Variants in SASH1 observed in about 807,000 individuals in gnomAD.
SASH1 encodes the protein SAM and SH3 domain-containing protein 1.
A neutral mutation model predicts 125.2 loss-of-function variants in SASH1; 44 were observed. That is an observed-to-expected ratio of 0.35 (90% CI 0.28 to 0.45). SASH1 has a LOEUF of 0.45. SASH1 is among the 20% of genes least tolerant of loss of function. SASH1 has a pLI of 1.00. For missense variants in SASH1, 1,426 were observed against 1,614.5 expected, an observed-to-expected ratio of 0.88 and a Z score of 2.00; for synonymous variants, 639 against 649.1, an observed-to-expected ratio of 0.98 and a Z score of 0.24.
At chr6:148,531,490 T>C (rs771839934) in intron 12 of SASH1, 36 bp from the exon 13 acceptor site, 1 of 1,449,952 alleles carries the variant, frequency 6.9e-7, no homozygotes, top group Non-Finnish European at 9.1e-7. Context: ...CTGTCCACTC[T>C]GATGAACTTC....
chr6:148,448,455 G>A (rs1274188876), intron 4 of SASH1, among the ~76,000 whole-genome samples: 1 of 152,030 alleles, frequency 6.6e-6, no homozygotes, highest in Admixed American at 6.6e-5. Context: ...CTAACCAGAG[G>A]CCTCTCCCCA....
chr6:148,524,775 C>G (rs1264516811), intron 10 of SASH1: 3 of 152,970 alleles, frequency 2.0e-5, no homozygotes, highest in Non-Finnish European at 4.4e-5. Flanking sequence ...ACCTTCTCCC[C>G]CCCTCTTCTC....
chr6:148,390,592 C>T (rs1783663403), intron 2 of SASH1, among the ~76,000 whole-genome samples: 3 of 152,128 alleles, frequency 2.0e-5, no homozygotes, highest in Non-Finnish European at 4.4e-5. Context: ...CAAGACCATC[C>T]TCGCTAACAC....
chr6:148,366,207 C>G (rs750914208), intron 1 of SASH1, among the ~76,000 whole-genome samples: 10 of 152,084 alleles, frequency 6.6e-5, no homozygotes, highest in Non-Finnish European at 1.3e-4. Flanking sequence ...TTGCTTGAGC[C>G]TGGGACATTG....
At position 148,548,704 on chromosome 6, in the gene SASH1, A is replaced by C; in HGVS notation, c.*146A>C. The C allele has an allele frequency of 1.1e-6, 1 of 926,092 alleles. No individual in the cohort carries two copies. Among genetic ancestry groups the C allele is most frequent in the Non-Finnish European group, 1.6e-6 (1 of 638,110 alleles). 57.4% of individuals were successfully genotyped at this position (926,092 alleles called of 1,614,324 possible). A position where few individuals can be genotyped will look rare whatever the true frequency, so the allele number is the denominator to read the frequency against. On this transcript the variant is annotated 3_prime_UTR_variant, in exon 20 of 20. Transcript: ENST00000367467. ...TGGCCAAACAGCGTGAAACCTTGGC[A>C]CAGGACTGAGGATCCTCTCCTCCAG... is the stretch of plus-strand genomic sequence containing the variant.
intron 4 of SASH1, among the ~76,000 whole-genome samples, chr6:148,446,344 A>G (rs181781517): frequency 1.3e-3 from 200 of 152,030 alleles, no homozygotes; most frequent in African/African-American, 4.0e-3. Context: ...TCCTGACCTC[A>G]TGATCCGCCC....
rs1287845529 is a variant in SASH1 at position 148,508,617 on chromosome 6, A to C, written c.730-5707A>C. The C allele has an allele frequency of 2.6e-6, 3 of 1,149,794 alleles. No homozygotes were observed. The East Asian group carries it at 1.9e-4, about 73-fold the overall frequency. 71.2% of individuals were successfully genotyped at this position (1,149,794 alleles called of 1,614,324 possible). ...TTGCGAGTTATGCAGTTAGCAAGCG[A>C]CTGGGGAATCAGTCAGCAAGCAGAA... On this transcript the variant is annotated intron_variant, in intron 8 of 19. Coordinates refer to ENST00000367467, the MANE Select transcript of SASH1 (RefSeq NM_015278.5).
chr6:148,214,016 G>A, the SASH1 span, among the ~76,000 whole-genome samples: 81 of 152,208 alleles, frequency 5.3e-4, no homozygotes, highest in African/African-American at 1.8e-3. Flanking sequence ...AATTGTGTTC[G>A]CCATTAGCCA....
chr6:148,201,669 G>A, the SASH1 span, among the ~76,000 whole-genome samples: 25 of 152,190 alleles, frequency 1.6e-4, no homozygotes, highest in African/African-American at 6.0e-4. Context: ...GACTGCTCTG[G>A]GGTGCCCAGA....
At chr6:148,208,598 C>T in the SASH1 span, among the ~76,000 whole-genome samples, 29 of 152,294 alleles carry the variant, frequency 1.9e-4, no homozygotes, top group African/African-American at 6.5e-4. Context: ...ATTTCTGTTG[C>T]GTCTCACTTG....
intron 1 of SASH1, chr6:148,379,862 A>G (rs1416068760): frequency 8.8e-6 from 4 of 455,596 alleles, no homozygotes; most frequent in African/African-American, 6.0e-5. Flanking sequence ...AAGAGCTGCC[A>G]TGTTCCATCA....
chr6:148,344,415 T>C (rs898064735), intron 1 of SASH1, among the ~76,000 whole-genome samples: 1 of 152,208 alleles, frequency 6.6e-6, no homozygotes, highest in African/African-American at 2.4e-5. Context: ...AAGTCTCCTG[T>C]CTCTTCCTTC....
At chr6:148,442,329 C>T (rs1414083736) in intron 4 of SASH1, among the ~76,000 whole-genome samples, 4 of 151,472 alleles carry the variant, frequency 2.6e-5, no homozygotes, top group African/African-American at 9.7e-5. Context: ...GTCCCCTGAG[C>T]CCAGGAAGTT....
At chr6:148,325,623 G>C (rs1014981794) in intron 1 of SASH1, among the ~76,000 whole-genome samples, 1 of 151,948 alleles carries the variant, frequency 6.6e-6, no homozygotes, top group Non-Finnish European at 1.5e-5. Context: ...TCACCATCAC[G>C]AGAATAGCAC....
chr6:148,348,639 G>A (rs908832697), intron 1 of SASH1, among the ~76,000 whole-genome samples: 34 of 151,930 alleles, frequency 2.2e-4, no homozygotes, highest in Admixed American at 1.9e-3. Context: ...AGATGTAAAC[G>A]TCTGTGTCCT....
intron 2 of SASH1, among the ~76,000 whole-genome samples, chr6:148,435,330 G>T (rs1226267270): frequency 7.1e-6 from 1 of 141,514 alleles, no homozygotes; most frequent in Non-Finnish European, 1.5e-5. Flanking sequence ...GTAAGCCGAA[G>T]ATCGTGCCAT....
At chr6:148,250,840 G>A in the SASH1 span, among the ~76,000 whole-genome samples, 7 of 152,088 alleles carry the variant, frequency 4.6e-5, no homozygotes, top group Non-Finnish European at 8.8e-5. Flanking sequence ...GTATGATTAA[G>A]CATGGATAAA....
intron 11 of SASH1, among the ~76,000 whole-genome samples, chr6:148,526,309 A>G (rs556236472): frequency 6.6e-6 from 1 of 152,070 alleles, no homozygotes; most frequent in African/African-American, 2.4e-5. Flanking sequence ...TGATCCGCCC[A>G]TCTTGGCCTC....
chr6:148,447,509 A>G (rs1010179367), intron 4 of SASH1, among the ~76,000 whole-genome samples: 2 of 152,140 alleles, frequency 1.3e-5, no homozygotes, highest in East Asian at 3.9e-4. Context: ...ACTGCAGGGA[A>G]GAAGTCCCAG....
Sources: allele counts gnomAD v4.1 joint callset (sites outside exome capture counted in the v4.1 genomes callset), GRCh38; gene constraint gnomAD v4.1.1; transcripts MANE v1.5; gene names NCBI Gene and HGNC (gene_info 2026-07-23, HGNC 2026-07-21).